The following SDHAF3 variants were observed in gnomAD, a reference collection of about 807,000 sequenced individuals.
SDHAF3 encodes the protein succinate dehydrogenase assembly factor 3, mitochondrial.
Under a neutral mutation model 11.5 loss-of-function variants are expected in SDHAF3, and 18 were observed. The observed-to-expected ratio is 1.56, with a 90% CI of 1.08 to 2.32. The LOEUF is 2.32. Ranked by LOEUF, SDHAF3 falls within the 30% of genes most tolerant of loss-of-function variation. SDHAF3 has a pLI of 0.00. For synonymous variants in SDHAF3, 72 were observed against 59.3 expected, an observed-to-expected ratio of 1.21 and a Z score of -0.99; for missense variants, 200 against 154.4, an observed-to-expected ratio of 1.30 and a Z score of -1.57.
chr7:97,165,407 A>G (rs1180361349), intron 1 of SDHAF3, among the ~76,000 whole-genome samples: 1 of 91,520 alleles, frequency 1.1e-5, no homozygotes, highest in Non-Finnish European at 2.2e-5. Flanking sequence ...ACCAGTTAGC[A>G]TTCCATTAGC....
intron 1 of SDHAF3, among the ~76,000 whole-genome samples, chr7:97,124,677 A>G (rs1239193705): frequency 6.6e-6 from 1 of 152,078 alleles, no homozygotes; most frequent in Non-Finnish European, 1.5e-5. Flanking sequence ...TTCTTTGAGC[A>G]GTGGTTTGTA....
intron 1 of SDHAF3, among the ~76,000 whole-genome samples, chr7:97,177,657 A>G (rs1257632819): frequency 6.6e-6 from 1 of 152,130 alleles, no homozygotes; most frequent in East Asian, 1.9e-4. Flanking sequence ...TCTGTTTAAA[A>G]CTGGATAATT....
intron 1 of SDHAF3, among the ~76,000 whole-genome samples, chr7:97,177,327 C>T (rs1199781236): frequency 6.6e-6 from 1 of 151,864 alleles, no homozygotes; most frequent in African/African-American, 2.4e-5. Context: ...GCAGTGAAAC[C>T]CATCTCTACT....
chr7:97,172,675 A>G (rs933770514), intron 1 of SDHAF3, among the ~76,000 whole-genome samples: 1 of 152,210 alleles, frequency 6.6e-6, no homozygotes, highest in African/African-American at 2.4e-5. Flanking sequence ...CACAAAGTGA[A>G]TTATTAAATA....
chr7:97,176,765 ATAAT>A (rs1789685897), intron 1 of SDHAF3, among the ~76,000 whole-genome samples: 2 of 152,216 alleles, frequency 1.3e-5, no homozygotes, highest in African/African-American at 2.4e-5. Context: ...CATTATTCCC[ATAAT>A]TATTATAAAT....
At chr7:97,180,116 T>C (rs1437489954) in intron 1 of SDHAF3, among the ~76,000 whole-genome samples, 1 of 152,022 alleles carries the variant, frequency 6.6e-6, no homozygotes, top group Non-Finnish European at 1.5e-5. Context: ...ATGTACTTAA[T>C]AAGAGCAAAA....
intron 1 of SDHAF3, among the ~76,000 whole-genome samples, chr7:97,123,406 T>G (rs979482805): frequency 6.6e-6 from 1 of 152,194 alleles, no homozygotes; most frequent in Non-Finnish European, 1.5e-5. Flanking sequence ...TGATGGATAT[T>G]TGGGTTGGTT....
At chr7:97,173,108 C>A (rs1789629358) in intron 1 of SDHAF3, among the ~76,000 whole-genome samples, 1 of 152,202 alleles carries the variant, frequency 6.6e-6, no homozygotes, top group South Asian at 2.1e-4. Flanking sequence ...CCACTGCTGA[C>A]CTGACAGGAG....
intron 1 of SDHAF3, among the ~76,000 whole-genome samples, chr7:97,126,517 G>GT (rs1212048959): frequency 6.6e-6 from 1 of 152,250 alleles, no homozygotes; most frequent in Admixed American, 6.5e-5. Context: ...GCCCTGCCCA[G>GT]TGAGGAGGAA....
At chr7:97,160,434 G>A (rs1789389035) in intron 1 of SDHAF3, among the ~76,000 whole-genome samples, 3 of 151,960 alleles carry the variant, frequency 2.0e-5, no homozygotes, top group South Asian at 4.1e-4. Flanking sequence ...GGGCCATGAC[G>A]ACGATGGCGG....
chr7:97,126,024 T>C (rs996587429), intron 1 of SDHAF3, among the ~76,000 whole-genome samples: 2 of 152,238 alleles, frequency 1.3e-5, no homozygotes, highest in Middle Eastern at 3.2e-3. Context: ...TTCATGTTGC[T>C]GCTTTCTGTT....
chr7:97,151,877 T>G (rs1789229962), intron 1 of SDHAF3, among the ~76,000 whole-genome samples: 1 of 152,098 alleles, frequency 6.6e-6, no homozygotes, highest in Admixed American at 6.6e-5. Flanking sequence ...AGAGAAAACT[T>G]CAGCTTGCAT....
chr7:97,128,965 T>C (rs1256237142), intron 1 of SDHAF3, among the ~76,000 whole-genome samples: 1 of 152,014 alleles, frequency 6.6e-6, no homozygotes, highest in African/African-American at 2.4e-5. Context: ...TCAGCCTCCT[T>C]AGTAGCAGAG....
At chr7:97,178,044 G>A (rs2115754461) in intron 1 of SDHAF3, among the ~76,000 whole-genome samples, 1 of 152,116 alleles carries the variant, frequency 6.6e-6, no homozygotes, top group Non-Finnish European at 1.5e-5. Context: ...AAACTCGGTG[G>A]CCATTAAACA....
intron 1 of SDHAF3, among the ~76,000 whole-genome samples, chr7:97,166,681 C>T (rs1789510595): frequency 1.3e-5 from 2 of 152,064 alleles, no homozygotes; most frequent in South Asian, 2.1e-4. Context: ...CCCATCATGG[C>T]CTGAACTAAT....
intron 1 of SDHAF3, among the ~76,000 whole-genome samples, chr7:97,177,271 G>A (rs1056233982): frequency 3.3e-5 from 5 of 152,036 alleles, no homozygotes; most frequent in African/African-American, 1.2e-4. Flanking sequence ...GGGAGGCTGA[G>A]GCGGGTGGAT....
At chr7:97,174,663 T>C (rs749445046) in intron 1 of SDHAF3, among the ~76,000 whole-genome samples, 1 of 152,214 alleles carries the variant, frequency 6.6e-6, no homozygotes, top group Non-Finnish European at 1.5e-5. Context: ...AATTGAACTT[T>C]ATCTGATGTT....
At chr7:97,139,038 C>T (rs1788981261) in intron 1 of SDHAF3, among the ~76,000 whole-genome samples, 1 of 152,238 alleles carries the variant, frequency 6.6e-6, no homozygotes, top group South Asian at 2.1e-4. Context: ...TGCCCTGCTC[C>T]CAGCAGTGCC....
At position 97,136,800 on chromosome 7, in the gene SDHAF3, TAATATCCAGC is replaced by T. The variant is rs563276026; in HGVS notation, c.174+18907_174+18916del. Reference sequence around the variant, plus strand: ...CACTTACTACTTACTATTGTTTGATTAATATCCAGCAATTTATTGCTCTGTGTAATACTTG... The same window carrying T: ...CACTTACTACTTACTATTGTTTGATTAATTTATTGCTCTGTGTAATACTTG... On this transcript the variant is annotated intron_variant, in intron 1 of 1. Coordinates refer to ENST00000432641, the MANE Select transcript of SDHAF3 (RefSeq NM_020186.3). Among the ~76,000 whole-genome samples the T allele has an allele frequency of 3.7e-4, 56 of 152,344 alleles. No individual in the cohort carries two copies. The East Asian group carries it at 8.9e-3, about 24-fold the overall frequency.
Sources: allele counts gnomAD v4.1 joint callset (sites outside exome capture counted in the v4.1 genomes callset), GRCh38; gene constraint gnomAD v4.1.1; transcripts MANE v1.5; gene names NCBI Gene and HGNC (gene_info 2026-07-23, HGNC 2026-07-21).